Variants in CANX observed in about 807,000 individuals in gnomAD.
CANX encodes epididymis secretory sperm binding protein.
In CANX, 14 loss-of-function variants were observed where a neutral mutation model predicts 75.7. That is an observed-to-expected ratio of 0.19 (90% confidence interval 0.12 to 0.29). CANX has a LOEUF of 0.29. Among genes scored for constraint, CANX ranks in the 10% least tolerant of loss-of-function variants. CANX has a pLI of 1.00. For synonymous variants in CANX, 227 were observed against 236.9 expected (o/e 0.96, Z 0.38); for missense variants, 567 against 713.2 (o/e 0.79, Z 2.34).
Position 179,699,019 on chromosome 5 carries a change from C to G in CANX, c.-87C>G. The G allele has an allele frequency of 1.8e-6, 2 of 1,114,024 alleles. No homozygotes were observed. The highest frequency in any genetic ancestry group is 2.2e-6 in the Non-Finnish European group (2 of 905,722). The allele number at this position is 1,114,024 out of a possible 1,614,324, so 69.0% of individuals were successfully genotyped here. ...CGGCACGTGACGGTCGGGCCGCCTCCGCCTCTCTCTTTACTGCGGCGCGGG... is the reference window on the plus strand; with the variant it reads ...CGGCACGTGACGGTCGGGCCGCCTCGGCCTCTCTCTTTACTGCGGCGCGGG... On this transcript the variant is annotated 5_prime_UTR_variant, in exon 1 of 15. Coordinates refer to ENST00000247461, the MANE Select transcript of CANX (RefSeq NM_001746.4).
rs559000695 is a variant in CANX, at chr5:179,685,255, C to T, written c.-4+6478C>T. On this transcript the variant is annotated intron_variant, in intron 1 of 14. Transcript: ENST00000681674. ...TTGGGATTACAGGCACACGCCACCA[C>T]ATCTGGCTAATTTTTTTGTTTATTT... Among the ~76,000 whole-genome samples, 5 of 152,154 alleles carry T rather than the reference C, an allele frequency of 3.3e-5. No individual in the cohort carries two copies. In the South Asian group the frequency reaches 1.0e-3, roughly 32 times the overall value.
At chr5:179,714,718 CG>C (rs1777812067) in intron 7 of CANX, among the ~76,000 whole-genome samples, 1 of 151,978 alleles carries the variant, frequency 6.6e-6, no homozygotes, top group African/African-American at 2.4e-5. Context: ...GGGGTTTCAC[CG>C]TGTTAGCCAG....
intron 1 of CANX, among the ~76,000 whole-genome samples, chr5:179,688,032 C>T (rs1304666764): frequency 6.6e-6 from 1 of 150,504 alleles, no homozygotes; most frequent in Non-Finnish European, 1.5e-5. Flanking sequence ...AAGACTCCCT[C>T]TCAAAAATAA....
chr5:179,725,419 C>T (rs1170203158), intron 13 of CANX, among the ~76,000 whole-genome samples: 3 of 151,918 alleles, frequency 2.0e-5, no homozygotes, highest in Non-Finnish European at 2.9e-5. Context: ...CGGTGGCTCA[C>T]GCCTGTAATT....
At chr5:179,697,481 T>G (rs1051480638), upstream of CANX, among the ~76,000 whole-genome samples, 6 of 152,228 alleles carry the variant, frequency 3.9e-5, no homozygotes, top group African/African-American at 1.4e-4. Context: ...AGTAGCTCTT[T>G]TGCTCACAAA....
chr5:179,718,421 C>T (rs539311470), intron 8 of CANX, among the ~76,000 whole-genome samples: 2 of 152,172 alleles, frequency 1.3e-5, no homozygotes, highest in Non-Finnish European at 2.9e-5. Context: ...TGGGATTTCA[C>T]CATGTTGGCC....
intron 1 of CANX, among the ~76,000 whole-genome samples, chr5:179,686,102 C>CTTTT (rs757104413): frequency 7.8e-6 from 1 of 128,622 alleles, no homozygotes; most frequent in Admixed American, 8.5e-5. Context: ...TTGTTCAAGT[C>CTTTT]TTTTTTTTTT....
chr5:179,705,557 T>C, intron 1 of CANX, 122 bp from the exon 2 acceptor site: 3 of 719,120 alleles, frequency 4.2e-6, no homozygotes, highest in South Asian at 1.9e-5. Context: ...TGAAATGAAA[T>C]AGTAAGTTCT....
At chr5:179,681,472 G>C (rs1452242197) in intron 1 of CANX, among the ~76,000 whole-genome samples, 1 of 152,198 alleles carries the variant, frequency 6.6e-6, no homozygotes, top group Non-Finnish European at 1.5e-5. Context: ...CGAGAAAAAG[G>C]CTAAGGCTGA....
rs146720093 is a variant in CANX at position 179,724,776 on chromosome 5, G to T, written c.1638G>T (p.Glu546Asp). Residue 546 changes from glutamate (E) to aspartate (D), a missense_variant, in exon 13 of 15, where the codon GAG (glutamate) becomes GAT (aspartate). Glu to Asp is a conservative substitution (Grantham distance 45). Around this residue, in one of 3 missense-constraint regions of CANX, gnomAD observed 167 missense variants for 179.3 expected, o/e 0.93. Coordinates refer to ENST00000247461, the MANE Select transcript of CANX (RefSeq NM_001746.4). Reference protein sequence around the residue: ...DKGDEEEEGEEKLEEKQKSDA... With the variant: ...DKGDEEEEGEDKLEEKQKSDA... ...GAGATGAGGAGGAGGAAGGAGAAGA[G>T]AAACTTGGTAAGAAACAGAGTCCAG... 4.0e-5 allele frequency: 64 copies of T among 1,607,262 alleles called. No individual in the cohort carries two copies. The highest frequency in any genetic ancestry group is 1.4e-4 in the Admixed American group (8 of 59,192).
chr5:179,720,426 T>G lies in CANX; in HGVS notation c.1048T>G (p.Trp350Gly). ...TAGGGATGAAGACATGGATGGAGAATGGGAGGCTCCTCAGATTGCCAACCC... is the reference window on the plus strand; with the variant it reads ...TAGGGATGAAGACATGGATGGAGAAGGGGAGGCTCCTCAGATTGCCAACCC... ...EDWDEDMDGE[W>G]EAPQIANPRC... is the part of the protein sequence containing the mutation. The change falls in exon 10 of 15, where the codon TGG (tryptophan) becomes GGG (glycine). Residue 350 changes from tryptophan to glycine, a missense_variant. By Grantham distance (184) the Trp-to-Gly change is radical. This residue lies in a region of CANX where 351 missense variants were observed against 433.8 expected (regional missense o/e 0.81). Coordinates refer to ENST00000247461, the MANE Select transcript of CANX (RefSeq NM_001746.4). 1 of 1,614,024 alleles carries G rather than the reference T, an allele frequency of 6.2e-7. No homozygotes were observed. Among genetic ancestry groups the G allele is most frequent in the Non-Finnish European group, 8.5e-7 (1 of 1,179,892 alleles).
At chr5:179,705,898 T>C (rs900403446) in intron 2 of CANX, 46 bp downstream of exon 2, 3 of 1,530,580 alleles carry the variant, frequency 2.0e-6, no homozygotes, top group African/African-American at 2.7e-5. Context: ...CTTGAGATGA[T>C]AAAATTATGA....
At chr5:179,722,773 A>C (rs200974583) in intron 10 of CANX, 31 bp from the exon 11 acceptor site, 2 of 1,489,898 alleles carry the variant, frequency 1.3e-6, no homozygotes, top group Non-Finnish European at 1.9e-6. Context: ...TCATTATCTG[A>C]AATGATTTTC....
At chr5:179,694,574 G>C, upstream of CANX, 1 of 940,578 alleles carries the variant, frequency 1.1e-6, no homozygotes, top group Non-Finnish European at 1.7e-6. Flanking sequence ...GTGAGATGTG[G>C]AATAACTTAA....
intron 12 of CANX, 24 bp from the exon 13 acceptor site, chr5:179,724,633 A>G (rs1372595691): frequency 1.2e-6 from 2 of 1,607,236 alleles, no homozygotes; most frequent in African/African-American, 2.7e-5. Context: ...TGTAAACAAA[A>G]TTGTACTTTG....
rs369453142 is a variant in CANX, at chr5:179,685,381, T to C, written c.-4+6604T>C. 7.9e-5 allele frequency among the ~76,000 whole-genome samples: 12 copies of C among 150,984 alleles called. No individual in the cohort carries two copies. In the East Asian group the frequency reaches 2.4e-3, roughly 30 times the overall value. ...CCTCCACCTCAGCCTCCCGTGTAGC[T>C]GGGATTACAAGCATGTGCCACCATG... On this transcript the variant is annotated intron_variant, in intron 1 of 14. Transcript: ENST00000681674.
At chr5:179,721,319 ACCTCAGGTGATCCACCTGCCTTCG>A (rs532340981) in intron 10 of CANX, among the ~76,000 whole-genome samples, 25 of 152,302 alleles carry the variant, frequency 1.6e-4, no homozygotes, top group African/African-American at 5.8e-4. Context: ...CGAACTCCTG[ACCTCAGGTGATCCACCTGCCTTCG>A]CCTTTCGAAG....
At chr5:179,716,378 A>G (rs1777954433) in intron 8 of CANX, 84 bp downstream of exon 8, 2 of 941,120 alleles carry the variant, frequency 2.1e-6, no homozygotes, top group Admixed American at 2.6e-5. Flanking sequence ...TTGGTTGAGT[A>G]AGCTCTGATA....
upstream of CANX, chr5:179,698,789 A>C: frequency 1.5e-6 from 1 of 662,148 alleles, no homozygotes; most frequent in South Asian, 1.7e-5. Flanking sequence ...CAATCTTCAC[A>C]CTCCACGAAG....
Sources: allele counts gnomAD v4.1 joint callset (sites outside exome capture counted in the v4.1 genomes callset), GRCh38; gene constraint gnomAD v4.1.1; regional missense constraint gnomAD v4.1.1; transcripts MANE v1.5; gene names NCBI Gene and HGNC (gene_info 2026-07-23, HGNC 2026-07-21).